Variants in FOCAD observed in about 807,000 individuals in gnomAD.
FOCAD encodes the protein focadhesin, also known as KIAA1797.
In FOCAD, 198 loss-of-function variants were observed where a neutral mutation model predicts 225.6. The ratio of observed to expected loss-of-function variants is 0.88; its 90% CI spans 0.78 to 0.99. FOCAD has a LOEUF of 0.99. FOCAD is among the 50% of genes least tolerant of loss of function. The pLI is 0.00. For synonymous variants in FOCAD, 897 were observed against 755.0 expected, an observed-to-expected ratio of 1.19 and a Z score of -3.08; for missense variants, 2,713 against 2,123.6, an observed-to-expected ratio of 1.28 and a Z score of -5.46.
rs201003561 is a variant in FOCAD, at chr9:20,866,950, G to C, written c.2128G>C (p.Ala710Pro). 8 of 1,175,436 alleles carry C rather than the reference G, an allele frequency of 6.8e-6. No individual in the cohort carries two copies. The highest frequency in any genetic ancestry group is 9.3e-6 in the Non-Finnish European group (8 of 857,502). 72.8% of individuals were successfully genotyped at this position (1,175,436 alleles called of 1,614,324 possible). A position where few individuals can be genotyped will look rare whatever the true frequency, so the allele number is the denominator to read the frequency against. Residue 710 changes from alanine (A) to proline (P), a missense_variant, in exon 18 of 44, where the codon GCA (alanine) becomes CCA (proline). Ala to Pro is a conservative substitution (Grantham distance 27). Transcript: ENST00000338382. ...CTAGGACCCAATTGTAGCAAATGCT[G>C]CATATAGATCCCTGGCCAACTTTAG... ...QNKDPIVANA[A>P]YRSLANFSAG...
intron 6 of FOCAD, among the ~76,000 whole-genome samples, chr9:20,758,807 T>C (rs201133042): frequency 6.6e-6 from 1 of 151,938 alleles, no homozygotes; most frequent in African/African-American, 2.4e-5. Context: ...TATTCAATTA[T>C]GAAAAGAGGA....
At chr9:20,834,917 T>G (rs1825852819) in intron 15 of FOCAD, among the ~76,000 whole-genome samples, 1 of 152,128 alleles carries the variant, frequency 6.6e-6, no homozygotes, top group Non-Finnish European at 1.5e-5. Flanking sequence ...TTTTAAAAAT[T>G]GATTTCATAT....
intron 35 of FOCAD, among the ~76,000 whole-genome samples, chr9:20,953,454 C>T (rs954227547): frequency 2.0e-5 from 3 of 152,172 alleles, no homozygotes; most frequent in Non-Finnish European, 4.4e-5. Context: ...GATCTTCTCC[C>T]TGCATCTTTT....
intron 28 of FOCAD, among the ~76,000 whole-genome samples, chr9:20,936,205 G>A (rs1835946396): frequency 6.6e-6 from 1 of 152,174 alleles, no homozygotes; most frequent in African/African-American, 2.4e-5. Context: ...CTAACTTCCA[G>A]TTTATTGACT....
intron 22 of FOCAD, among the ~76,000 whole-genome samples, chr9:20,907,553 C>T (rs1833084834): frequency 6.6e-6 from 1 of 151,994 alleles, no homozygotes; most frequent in African/African-American, 2.4e-5. Context: ...CCAAACTGAG[C>T]TCATTGTCTT....
upstream of FOCAD, among the ~76,000 whole-genome samples, chr9:20,679,901 T>C (rs756482722): frequency 3.9e-5 from 6 of 152,172 alleles, no homozygotes; most frequent in Non-Finnish European, 7.4e-5. Context: ...TGAATAAAGG[T>C]GATTCTCTTG....
At chr9:20,922,860 T>C (rs1361570483) in intron 24 of FOCAD, among the ~76,000 whole-genome samples, 1 of 152,216 alleles carries the variant, frequency 6.6e-6, no homozygotes, top group Non-Finnish European at 1.5e-5. Context: ...TAGGGGACTT[T>C]ATAGGATCAG....
At chr9:20,742,392 G>A (rs924969651) in intron 5 of FOCAD, among the ~76,000 whole-genome samples, 1 of 152,066 alleles carries the variant, frequency 6.6e-6, no homozygotes, top group Non-Finnish European at 1.5e-5. Flanking sequence ...TTTTTCCTTA[G>A]TCTAGTGTGG....
chr9:20,769,478 C>A (rs1817964934), intron 7 of FOCAD, among the ~76,000 whole-genome samples: 1 of 152,318 alleles, frequency 6.6e-6, no homozygotes, highest in East Asian at 1.9e-4. Flanking sequence ...CACCCAGGTC[C>A]TTCCTATCTA....
At chr9:20,967,345 C>G (rs1282788104) in intron 35 of FOCAD, among the ~76,000 whole-genome samples, 1 of 152,054 alleles carries the variant, frequency 6.6e-6, no homozygotes, top group Non-Finnish European at 1.5e-5. Context: ...AAAAACACAA[C>G]TAATTTTTGT....
In FOCAD at chr9:20,715,334, T is replaced by C; in HGVS notation, c.-20T>C. On this transcript the variant is annotated 5_prime_UTR_variant, in exon 2 of 44. Coordinates refer to ENST00000338382, the MANE Select transcript of FOCAD (RefSeq NM_001375567.1). ...GTTTTGGTTACAGAAGCTGCACACA[T>C]ACATGTAAGAGAAGCAAAAATGTCA... 6.7e-7 allele frequency: 1 copy of C among 1,498,618 alleles called. No homozygotes were observed. The highest frequency in any genetic ancestry group is 1.4e-5 in the African/African-American group (1 of 72,118). The allele number at this position is 1,498,618 out of a possible 1,614,324, so 92.8% of individuals were successfully genotyped here.
At chr9:20,752,538 A>T (rs954298554) in intron 5 of FOCAD, among the ~76,000 whole-genome samples, 35 of 152,306 alleles carry the variant, frequency 2.3e-4, no homozygotes, top group East Asian at 9.6e-4. Flanking sequence ...TGGTACCAGT[A>T]CCATGCTGTT....
chr9:20,663,914 T>C (rs1195205900), intron 2 of FOCAD, among the ~76,000 whole-genome samples: 1 of 152,220 alleles, frequency 6.6e-6, no homozygotes, highest in East Asian at 1.9e-4. Flanking sequence ...TTCTATTCTT[T>C]ATTAATGTCA....
chr9:20,808,934 T>G (rs1196057955), intron 11 of FOCAD, among the ~76,000 whole-genome samples: 1 of 152,196 alleles, frequency 6.6e-6, no homozygotes, highest in African/African-American at 2.4e-5. Context: ...TAACATATAA[T>G]AGTAATATGT....
At chr9:20,967,070 G>A (rs1470842242) in intron 35 of FOCAD, among the ~76,000 whole-genome samples, 1 of 151,950 alleles carries the variant, frequency 6.6e-6, no homozygotes, top group East Asian at 1.9e-4. Context: ...AGGACTCTTG[G>A]AATTTTGATA....
At chr9:20,905,091 A>G (rs1407924722) in intron 21 of FOCAD, among the ~76,000 whole-genome samples, 1 of 151,982 alleles carries the variant, frequency 6.6e-6, no homozygotes, top group Non-Finnish European at 1.5e-5. Flanking sequence ...AAAGCAAGAA[A>G]GTGCATTTTT....
intron 10 of FOCAD, among the ~76,000 whole-genome samples, chr9:20,787,822 A>G (rs1388956310): frequency 6.6e-6 from 1 of 152,166 alleles, no homozygotes; most frequent in African/African-American, 2.4e-5. Flanking sequence ...TCTCTTTGAA[A>G]AAAAAAATTG....
At chr9:20,875,314 G>C in intron 19 of FOCAD, 1 of 155,158 alleles carries the variant, frequency 6.4e-6, no homozygotes. Context: ...TGGTCATTCA[G>C]CTTTGATGTA....
intron 11 of FOCAD, among the ~76,000 whole-genome samples, chr9:20,816,083 C>A (rs928643130): frequency 4.0e-5 from 6 of 151,890 alleles, no homozygotes; most frequent in Admixed American, 3.9e-4. Context: ...TCTGAACTGG[C>A]CAGAGGAAAA....
Sources: allele counts gnomAD v4.1 joint callset (sites outside exome capture counted in the v4.1 genomes callset), GRCh38; gene constraint gnomAD v4.1.1; transcripts MANE v1.5; gene names NCBI Gene and HGNC (gene_info 2026-07-23, HGNC 2026-07-21).